The following KIF13A variants were observed in gnomAD, a reference collection of about 807,000 sequenced individuals.
The protein encoded by KIF13A is kinesin family member 13A, also known as kinesin-like protein KIF13A.
A neutral mutation model predicts 212.2 loss-of-function variants in KIF13A; 79 were observed. The ratio of observed to expected loss-of-function variants is 0.37; its 90% confidence interval spans 0.31 to 0.45. KIF13A has a LOEUF of 0.45. Ranked by LOEUF, KIF13A falls within the 20% of genes least tolerant of loss-of-function variation. The probability of loss-of-function intolerance (pLI) is 1.00; values close to 1 mark genes in which losing one functional copy is unlikely to be tolerated. For missense variants in KIF13A, 1,901 were observed against 2,209.0 expected (o/e 0.86, Z 2.79); for synonymous variants, 789 against 808.6 (o/e 0.98, Z 0.41).
chr6:17,917,061 C>T (rs1289392669), intron 2 of KIF13A, among the ~76,000 whole-genome samples: 1 of 151,792 alleles, frequency 6.6e-6, no homozygotes, highest in East Asian at 1.9e-4. Flanking sequence ...ACACTGTGCC[C>T]ATAACCTTCA....
intron 4 of KIF13A, among the ~76,000 whole-genome samples, chr6:17,858,537 T>A (rs1431188281): frequency 6.6e-6 from 1 of 152,218 alleles, no homozygotes; most frequent in Non-Finnish European, 1.5e-5. Context: ...ATTTCTCATA[T>A]GTTTTCTCAA....
chr6:17,940,820 T>TTA (rs1776894230), intron 2 of KIF13A, among the ~76,000 whole-genome samples: 3 of 147,638 alleles, frequency 2.0e-5, no homozygotes, highest in Admixed American at 6.8e-5. Context: ...TAAATTTATT[T>TTA]TTTTTTTTTT....
intron 25 of KIF13A, among the ~76,000 whole-genome samples, chr6:17,791,055 G>A (rs1475583145): frequency 1.3e-5 from 2 of 151,082 alleles, no homozygotes; most frequent in Non-Finnish European, 1.5e-5. Context: ...TGACTAAAAA[G>A]TGCTTTAAGA....
intron 38 of KIF13A, among the ~76,000 whole-genome samples, chr6:17,765,286 C>T (rs1440939767): frequency 6.6e-6 from 1 of 152,146 alleles, no homozygotes. Flanking sequence ...TCAAAATTAG[C>T]TTTTAGTTGT....
At position 17,849,404 on chromosome 6, in the gene KIF13A, C is replaced by T. The variant is rs1308235773; in HGVS notation, c.803G>A (p.Arg268Gln). Residue 268 changes from arginine (R) to glutamine (Q), a missense_variant, in exon 9 of 39, where the codon CGA becomes CAA. By Grantham distance (43) the Arg-to-Gln change is conservative. Transcript: ENST00000259711. The surrounding 1 kb of genome is among the most constrained non-coding windows in gnomAD (Gnocchi z 5.7). ...GTTAATGTTGCTGCCTTCTTTCAGT[C>T]GCTCTCCTGCAGCTCCTGTTTTAGA... ...RVSKTGAAGE[R>Q]LKEGSNINKS... The T allele has an allele frequency of 6.8e-6, 11 of 1,613,142 alleles. No homozygotes were observed. The highest frequency in any genetic ancestry group is 8.5e-6 in the Non-Finnish European group (10 of 1,179,554).
intron 2 of KIF13A, among the ~76,000 whole-genome samples, chr6:17,964,823 CTTG>C (rs150122394): frequency 0.084 from 12,698 of 151,824 alleles, 624 homozygotes; most frequent in African/African-American, 0.13. Context: ...TTGTGGTTTT[CTTG>C]TTGTTTTGTT....
intron 3 of KIF13A, among the ~76,000 whole-genome samples, chr6:17,896,890 T>C (rs1772616821): frequency 6.6e-6 from 1 of 152,202 alleles, no homozygotes; most frequent in African/African-American, 2.4e-5. Context: ...TCTGAAACTT[T>C]GGGGAACCAA....
chr6:17,822,975 C>T (rs1261059230), intron 16 of KIF13A, among the ~76,000 whole-genome samples: 2 of 152,116 alleles, frequency 1.3e-5, no homozygotes, highest in African/African-American at 4.8e-5. Flanking sequence ...TGTTTAAAGA[C>T]AGAAATTGCC....
Position 17,796,723 on chromosome 6 carries a change from C to G in KIF13A, c.2888G>C (p.Ser963Thr), listed in dbSNP as rs771660259. The G allele has an allele frequency of 1.3e-6, 2 of 1,592,876 alleles. No individual in the cohort carries two copies. The highest frequency in any genetic ancestry group is 1.4e-5 in the African/African-American group (1 of 73,706). The change falls in exon 23 of 39, where the codon AGC becomes ACC. Residue 963 changes from serine to threonine, a missense_variant. Ser to Thr is a moderately conservative substitution (Grantham distance 58, BLOSUM62 1). Transcript: ENST00000259711. ...AAGAGAATCGACCTCCCAGATGGAG[C>G]TGCCATTTCCAGCACACCGGTGGCC... The part of the protein sequence containing the change: ...VWGHRCAGNG[S>T]SIWEVDSLHA...
At chr6:17,844,044 C>CAA (rs35763673) in intron 9 of KIF13A, among the ~76,000 whole-genome samples, 20 of 114,990 alleles carry the variant, frequency 1.7e-4, no homozygotes, top group African/African-American at 4.8e-4. Flanking sequence ...GACTCCATCT[C>CAA]AAAAAAAAAA....
Position 17,943,408 on chromosome 6 carries a change from T to TG in KIF13A, c.146+43645_146+43646insC, listed in dbSNP as rs199984130. On this transcript the variant is annotated intron_variant, in intron 2 of 38. Transcript: ENST00000259711. ...AGTTTGGTAAAACACAGATTTTTTT[T>TG]TTTTTTTTTTTGTATTTTTAGTAGA... 5.6e-3 allele frequency among the ~76,000 whole-genome samples: 855 copies of TG among 151,666 alleles called. 4 individuals carry two copies. The highest frequency in any genetic ancestry group is 0.019 in the African/African-American group (785 of 41,328).
intron 38 of KIF13A, chr6:17,770,447 T>C (rs1759400522): frequency 6.6e-6 from 1 of 150,752 alleles, no homozygotes; most frequent in Admixed American, 6.7e-5. Flanking sequence ...AAACTGTATC[T>C]CAAATTAATA....
Position 17,836,965 on chromosome 6 carries a change from AG to A in KIF13A, c.1067del (p.Ala356ValfsTer3). 1.9e-6 allele frequency: 3 copies of A among 1,613,938 alleles called. No homozygotes were observed. The highest frequency in any genetic ancestry group is 8.5e-7 in the Non-Finnish European group (1 of 1,179,898). On this transcript the variant is annotated frameshift_variant, in exon 11 of 39. Transcript: ENST00000259711. LOFTEE classifies it high-confidence loss of function. ...ADRAKRIVNHAVVNEDPNAKV... is the reference protein window; with the variant it reads ...ADRAKRIVNHXVVNEDPNAKV... ...TTGCGTTGGGGTCCTCATTCACAACAGCATGGTTCACAATCCTTTTGGCTCG... is the reference window on the plus strand; with the variant it reads ...TTGCGTTGGGGTCCTCATTCACAACACATGGTTCACAATCCTTTTGGCTCG...
Position 17,829,818 on chromosome 6 carries a change from A to T in KIF13A, c.1401+1283T>A, listed in dbSNP as rs561075477. On this transcript the variant is annotated intron_variant, in intron 13 of 38. Transcript: ENST00000259711. This position sits in a 1 kb window ranked among gnomAD's most constrained non-coding sequence, Gnocchi z 5.4. ...TTGTACCAAATTTACACCTCTAGGA[A>T]AAGTAGAAGGTGAGGCTCCTTGCTT... Among the ~76,000 whole-genome samples the T allele has an allele frequency of 1.9e-4, 29 of 152,268 alleles. 1 individual carries two copies. The highest frequency in any genetic ancestry group is 6.5e-4 in the African/African-American group (27 of 41,544).
rs1763923971 is a variant in KIF13A, at chr6:17,816,103, G to C, written c.2000+917C>G. The stretch of plus-strand genomic sequence containing the variant: ...TTCTTTTTTTTCTGTATTTTTAGTA[G>C]AGACAGGGTTTCACCATGTTGGCCA... On this transcript the variant is annotated intron_variant, in intron 17 of 38. Transcript: ENST00000259711. This position sits in a 1 kb window ranked among gnomAD's most constrained non-coding sequence, Gnocchi z 4.3. 6.6e-6 allele frequency among the ~76,000 whole-genome samples: 1 copy of C among 151,486 alleles called. No individual in the cohort carries two copies. The highest frequency in any genetic ancestry group is 1.5e-5 in the Non-Finnish European group (1 of 67,908).
intron 3 of KIF13A, chr6:17,881,979 G>C (rs774373056): frequency 3.1e-5 from 14 of 455,724 alleles, no homozygotes; most frequent in Non-Finnish European, 4.8e-5. Context: ...CTGGGCAACA[G>C]AGCAAGACTC....
intron 3 of KIF13A, among the ~76,000 whole-genome samples, chr6:17,881,288 C>A (rs1267309299): frequency 3.3e-5 from 5 of 152,108 alleles, no homozygotes; most frequent in Non-Finnish European, 7.3e-5. Flanking sequence ...AATAAAGTTA[C>A]TAAAGCTGTT....
chr6:17,852,088 G>A (rs1297707680), intron 6 of KIF13A, 46 bp from the exon 7 acceptor site: 21 of 1,048,418 alleles, frequency 2.0e-5, no homozygotes, highest in African/African-American at 3.4e-5. Context: ...ACCAAAGCTG[G>A]AAGCTTTTCT....
At chr6:17,858,537 T>C (rs1431188281) in intron 4 of KIF13A, among the ~76,000 whole-genome samples, 3 of 152,218 alleles carry the variant, frequency 2.0e-5, no homozygotes, top group South Asian at 2.1e-4. Context: ...ATTTCTCATA[T>C]GTTTTCTCAA....
Sources: allele counts gnomAD v4.1 joint callset (sites outside exome capture counted in the v4.1 genomes callset), GRCh38; gene constraint gnomAD v4.1.1; non-coding constraint Gnocchi (gnomAD v3.1); transcripts MANE v1.5; gene names NCBI Gene and HGNC (gene_info 2026-07-23, HGNC 2026-07-21).